Variants in PLEKHD1 observed in about 807,000 individuals in gnomAD.
The protein encoded by PLEKHD1 is pleckstrin homology domain-containing family D member 1.
Under a neutral mutation model 69.2 loss-of-function variants are expected in PLEKHD1, and 51 were observed. The observed-to-expected ratio is 0.74, with a 90% CI of 0.59 to 0.93. The LOEUF (loss-of-function observed/expected upper bound fraction) is 0.93. Ranked by LOEUF, PLEKHD1 falls within the 40% of genes least tolerant of loss-of-function variation. The probability of loss-of-function intolerance (pLI) is 0.00; values close to 1 mark genes in which losing one functional copy is unlikely to be tolerated. For synonymous variants in PLEKHD1, 236 were observed against 244.7 expected (o/e 0.96, Z 0.33); for missense variants, 584 against 641.0 (o/e 0.91, Z 0.96).
At chr14:69,469,881 C>A in the PLEKHD1 span, among the ~76,000 whole-genome samples, 192 of 152,106 alleles carry the variant, frequency 1.3e-3, 1 homozygote, top group Admixed American at 2.5e-3. Context: ...ACCTCCATGC[C>A]TGGCTAATTT....
intron 1 of PLEKHD1, among the ~76,000 whole-genome samples, chr14:69,488,143 T>C (rs1399526283): frequency 6.6e-6 from 1 of 152,174 alleles, no homozygotes; most frequent in Non-Finnish European, 1.5e-5. Context: ...CTAAGATTCA[T>C]TGTGTCCACC....
At chr14:69,485,168 G>C in intron 1 of PLEKHD1, 54 bp downstream of exon 1, 1 of 1,523,810 alleles carries the variant, frequency 6.6e-7, no homozygotes, top group Admixed American at 2.0e-5. Context: ...CCTGGGCGTC[G>C]TTACCCCTCC....
At chr14:69,492,966 C>T (rs779086370) in intron 1 of PLEKHD1, among the ~76,000 whole-genome samples, 2 of 152,202 alleles carry the variant, frequency 1.3e-5, no homozygotes, top group African/African-American at 4.8e-5. Context: ...GACAGTCTCC[C>T]TGTGTTGCCC....
In PLEKHD1 at chr14:69,484,810, C is replaced by T. The variant is rs751714988; in HGVS notation, c.-156C>T. On this transcript the variant is annotated 5_prime_UTR_variant, in exon 1 of 13. Coordinates refer to ENST00000322564, the MANE Select transcript of PLEKHD1 (RefSeq NM_001161498.2). Reference sequence around the variant, plus strand: ...CGCCCCCTTGGTGCCGCGTCCAGTGCCCAGCGCGCTTTGATGCTGCAGCTC... The same window carrying T: ...CGCCCCCTTGGTGCCGCGTCCAGTGTCCAGCGCGCTTTGATGCTGCAGCTC... 1 of 857,238 alleles carries T rather than the reference C, an allele frequency of 1.2e-6. No individual in the cohort carries two copies. 53.1% of individuals were successfully genotyped at this position (857,238 alleles called of 1,614,324 possible).
chr14:69,511,878 A>C (rs1883280130), intron 6 of PLEKHD1, among the ~76,000 whole-genome samples: 1 of 152,146 alleles, frequency 6.6e-6, no homozygotes, highest in Admixed American at 6.5e-5. Context: ...TAATGTCTCT[A>C]TTAGGTTTTG....
the PLEKHD1 span, among the ~76,000 whole-genome samples, chr14:69,468,541 C>CT: frequency 2.0e-4 from 27 of 132,370 alleles, no homozygotes; most frequent in Non-Finnish European, 1.7e-4. Flanking sequence ...TATTTCCTTC[C>CT]TTCCTTTCTT....
chr14:69,489,345 G>A (rs1163441880), intron 1 of PLEKHD1, among the ~76,000 whole-genome samples: 1 of 152,112 alleles, frequency 6.6e-6, no homozygotes, highest in Non-Finnish European at 1.5e-5. Flanking sequence ...GATCACTTGA[G>A]GTCAGGAGTT....
chr14:69,477,331 C>T, the PLEKHD1 span, among the ~76,000 whole-genome samples: 1 of 152,188 alleles, frequency 6.6e-6, no homozygotes, highest in African/African-American at 2.4e-5. Flanking sequence ...TGGCTTGCTC[C>T]TGCAACACAT....
the PLEKHD1 span, among the ~76,000 whole-genome samples, chr14:69,473,118 A>G: frequency 6.6e-6 from 1 of 152,176 alleles, no homozygotes; most frequent in Non-Finnish European, 1.5e-5. Flanking sequence ...TTATTTCATT[A>G]TATATTACAA....
chr14:69,516,640 G>C (rs73281438), intron 6 of PLEKHD1, among the ~76,000 whole-genome samples: 1 of 152,176 alleles, frequency 6.6e-6, no homozygotes, highest in African/African-American at 2.4e-5. Flanking sequence ...TTTGAGCAGG[G>C]AGTAAGGAAA....
chr14:69,500,862 T>C lies in PLEKHD1; in HGVS notation c.334-9T>C. 1 of 1,551,608 alleles carries C rather than the reference T, an allele frequency of 6.4e-7. No individual in the cohort carries two copies. Among genetic ancestry groups the C allele is most frequent in the Non-Finnish European group, 8.7e-7 (1 of 1,146,996 alleles). ...TCTCAGGCATGCGCATGGCTCCTCT[T>C]CCTGGCAGGGGAACATCTTGCTTGC... is the stretch of plus-strand genomic sequence containing the variant. On this transcript the variant is annotated splice_polypyrimidine_tract_variant and intron_variant, in intron 3 of 12. Coordinates refer to ENST00000322564, the MANE Select transcript of PLEKHD1 (RefSeq NM_001161498.2).
At chr14:69,488,444 A>G (rs1882701206) in intron 1 of PLEKHD1, among the ~76,000 whole-genome samples, 1 of 152,262 alleles carries the variant, frequency 6.6e-6, no homozygotes, top group Admixed American at 6.5e-5. Context: ...GTTTGGTCTC[A>G]CTTTCTGGCA....
the PLEKHD1 span, among the ~76,000 whole-genome samples, chr14:69,469,848 A>G: frequency 2.0e-5 from 3 of 151,816 alleles, no homozygotes; most frequent in Admixed American, 6.6e-5. Context: ...AGCCTCCACT[A>G]GTAGCTGGGA....
chr14:69,510,971 GT>G (rs1883258002), intron 6 of PLEKHD1, among the ~76,000 whole-genome samples: 1 of 152,184 alleles, frequency 6.6e-6, no homozygotes, highest in Non-Finnish European at 1.5e-5. Context: ...ATCAATTGGT[GT>G]TGGATTTTGT....
chr14:69,507,780 C>A (rs924335711), intron 6 of PLEKHD1, among the ~76,000 whole-genome samples: 1 of 152,132 alleles, frequency 6.6e-6, no homozygotes, highest in South Asian at 2.1e-4. Context: ...TGGAGTGTGG[C>A]TCACTGCAGC....
chr14:69,490,059 G>A (rs142168100), intron 1 of PLEKHD1, among the ~76,000 whole-genome samples: 1 of 152,138 alleles, frequency 6.6e-6, no homozygotes. Flanking sequence ...GTAGAGATGG[G>A]GTTTCGCCAT....
chr14:69,500,012 G>C, intron 1 of PLEKHD1, 103 bp from the exon 2 acceptor site: 1 of 739,216 alleles, frequency 1.4e-6, no homozygotes, highest in Admixed American at 2.6e-5. Context: ...GTGTCCCTGT[G>C]GGCTCCCATG....
chr14:69,502,718 T>C (rs893239673), intron 5 of PLEKHD1, 109 bp from the exon 6 acceptor site: 4 of 1,405,000 alleles, frequency 2.8e-6, no homozygotes, highest in Admixed American at 2.0e-5. Context: ...GCCCCTTCCT[T>C]GGGAGATGCT....
At chr14:69,490,505 C>T (rs1882754482) in intron 1 of PLEKHD1, among the ~76,000 whole-genome samples, 1 of 152,134 alleles carries the variant, frequency 6.6e-6, no homozygotes, top group African/African-American at 2.4e-5. Context: ...TGGTCCAGGG[C>T]CCAGGGGTTG....
Sources: gnomAD v4.1 joint callset for allele counts (sites outside exome capture counted in the v4.1 genomes callset) on GRCh38, gnomAD v4.1.1 for gene constraint, MANE v1.5 for transcripts, NCBI Gene and HGNC (gene_info 2026-07-23, HGNC 2026-07-21) for gene names.